Variants in ARL5B observed in about 807,000 individuals in gnomAD.
ARL5B encodes the protein ADP-ribosylation factor-like protein 5B.
A neutral mutation model predicts 26.9 loss-of-function variants in ARL5B; 10 were observed. That is an observed-to-expected ratio of 0.37 (90% CI 0.23 to 0.63). The LOEUF (loss-of-function observed/expected upper bound fraction) is 0.63. ARL5B is among the 30% of genes least tolerant of loss of function. The pLI is 0.62. For synonymous variants in ARL5B, 87 were observed against 70.4 expected (o/e 1.24, Z -1.18); for missense variants, 167 against 213.9 (o/e 0.78, Z 1.37).
intron 3 of ARL5B, among the ~76,000 whole-genome samples, chr10:18,671,218 G>A (rs899873715): frequency 1.3e-5 from 2 of 151,906 alleles, no homozygotes; most frequent in African/African-American, 4.8e-5. Flanking sequence ...TTGAGATGGA[G>A]TCTCAGTCTG....
chr10:18,666,816 C>A (rs2059863374), intron 2 of ARL5B, among the ~76,000 whole-genome samples, 181 bp downstream of exon 2: 1 of 151,982 alleles, frequency 6.6e-6, no homozygotes, highest in South Asian at 2.1e-4. Flanking sequence ...ATTTGCTAAA[C>A]CCTTCACAAA....
chr10:18,668,052 T>A (rs2059869424), intron 2 of ARL5B, among the ~76,000 whole-genome samples: 1 of 152,184 alleles, frequency 6.6e-6, no homozygotes, highest in African/African-American at 2.4e-5. Flanking sequence ...CATGGTCATC[T>A]TTTTAGGACT....
In ARL5B at chr10:18,681,346, GA is replaced by G. The variant is rs1449831227; in HGVS notation, c.*6131del. 6.6e-6 allele frequency: 1 copy of G among 152,128 alleles called. No individual in the cohort carries two copies. The highest frequency in any genetic ancestry group is 1.5e-5 in the Non-Finnish European group (1 of 68,018). 9.4% of individuals were successfully genotyped at this position (152,128 alleles called of 1,614,324 possible). ...TCAAAGCATGTTTTCCTGATGGTGG[GA>G]TTGTTTAAATGACATGTTTTAAAGT... On this transcript the variant is annotated 3_prime_UTR_variant, in exon 6 of 6. Transcript: ENST00000377275.
Position 18,675,270 on chromosome 10 carries a change from C to T in ARL5B, c.*54C>T, listed in dbSNP as rs750332339. On this transcript the variant is annotated 3_prime_UTR_variant, in exon 6 of 6. Transcript: ENST00000377275. ...TTATTCTGTGACATGAACATTTTTTCCTAGTACCTTTGGCTGCTAAGGCAG... is the reference window on the plus strand; with the variant it reads ...TTATTCTGTGACATGAACATTTTTTTCTAGTACCTTTGGCTGCTAAGGCAG... The T allele has an allele frequency of 1.2e-5, 18 of 1,553,898 alleles. No individual in the cohort carries two copies. Among genetic ancestry groups the T allele is most frequent in the Non-Finnish European group, 1.5e-5 (17 of 1,126,054 alleles).
At chr10:18,667,670 C>T (rs1185209073) in intron 2 of ARL5B, among the ~76,000 whole-genome samples, 2 of 151,632 alleles carry the variant, frequency 1.3e-5, no homozygotes, top group South Asian at 2.1e-4. Context: ...TATGATAATA[C>T]GAGGGGTATG....
Position 18,672,612 on chromosome 10 carries a change from T to A in ARL5B, c.256-10T>A, listed in dbSNP as rs369433772. On this transcript the variant is annotated splice_polypyrimidine_tract_variant and intron_variant, in intron 3 of 5. Coordinates refer to ENST00000377275, the MANE Select transcript of ARL5B (RefSeq NM_178815.5). The stretch of plus-strand genomic sequence containing the variant: ...TCAATTTTCTGTCTTTCCTTTTAAT[T>A]TTCTTCTAGTTCATCATTCTTGTTG... 40 of 1,597,888 alleles carry A rather than the reference T, an allele frequency of 2.5e-5. No individual in the cohort carries two copies. Among genetic ancestry groups the A allele is most frequent in the Non-Finnish European group, 3.3e-5 (39 of 1,172,090 alleles).
At chr10:18,666,162 C>G (rs979224958) in intron 1 of ARL5B, among the ~76,000 whole-genome samples, 1 of 152,138 alleles carries the variant, frequency 6.6e-6, no homozygotes, top group Non-Finnish European at 1.5e-5. Context: ...GGGAAACTTA[C>G]AGATATGAAA....
intron 2 of ARL5B, 96 bp downstream of exon 2, chr10:18,666,731 TTAAA>T: frequency 4.7e-6 from 5 of 1,064,702 alleles, no homozygotes; most frequent in Non-Finnish European, 6.6e-6. Flanking sequence ...ACGGAAAAAC[TTAAA>T]TATATGTTTT....
chr10:18,679,580 AAAAT>A lies in ARL5B; in HGVS notation c.*4370_*4373del, dbSNP rs1456432845. 20 of 151,964 alleles carry A rather than the reference AAAAT, an allele frequency of 1.3e-4. No individual in the cohort carries two copies. Among genetic ancestry groups the A allele is most frequent in the Non-Finnish European group, 2.4e-4 (16 of 67,870 alleles). 9.4% of individuals were successfully genotyped at this position (151,964 alleles called of 1,614,324 possible). A position where few individuals can be genotyped will look rare whatever the true frequency, so the allele number is the denominator to read the frequency against. On this transcript the variant is annotated 3_prime_UTR_variant, in exon 6 of 6. Transcript: ENST00000377275. ...TATTTTTAAAAAATTTTAGGGGACC[AAAAT>A]AAATAGAGGAAGACCAATATAAAAA...
At chr10:18,671,842 G>C (rs192965368) in intron 3 of ARL5B, among the ~76,000 whole-genome samples, 2 of 152,212 alleles carry the variant, frequency 1.3e-5, no homozygotes, top group Admixed American at 6.5e-5. Context: ...TAGAGAGACA[G>C]GTTCTCACTA....
intron 1 of ARL5B, among the ~76,000 whole-genome samples, chr10:18,664,346 CAA>C (rs2131638986): frequency 6.6e-6 from 1 of 151,364 alleles, no homozygotes; most frequent in East Asian, 2.0e-4. Flanking sequence ...CTTGGCCTCC[CAA>C]AGTGTTGGAA....
intron 3 of ARL5B, among the ~76,000 whole-genome samples, chr10:18,672,142 T>C (rs1484600120): frequency 6.6e-6 from 1 of 152,208 alleles, no homozygotes; most frequent in Non-Finnish European, 1.5e-5. Flanking sequence ...ATTGTCTTAT[T>C]TTTAAAATGC....
chr10:18,679,914 A>G lies in ARL5B; in HGVS notation c.*4698A>G, dbSNP rs1316371171. The stretch of plus-strand genomic sequence containing the variant: ...AATACTGTCTTTTTACCATACAGCT[A>G]GATGGCCTGTATTATTCTTAATGTG... On this transcript the variant is annotated 3_prime_UTR_variant, in exon 6 of 6. Transcript: ENST00000377275. 3 of 151,958 alleles carry G rather than the reference A, an allele frequency of 2.0e-5. No homozygotes were observed. The highest frequency in any genetic ancestry group is 6.6e-5 in the Admixed American group (1 of 15,252). 9.4% of individuals were successfully genotyped at this position (151,958 alleles called of 1,614,324 possible). A position where few individuals can be genotyped will look rare whatever the true frequency, so the allele number is the denominator to read the frequency against.
rs1197103266 is a variant in ARL5B at position 18,680,549 on chromosome 10, G to A, written c.*5333G>A. 6.6e-6 allele frequency: 1 copy of A among 152,006 alleles called. No homozygotes were observed. Among genetic ancestry groups the A allele is most frequent in the East Asian group, 1.9e-4 (1 of 5,182 alleles). The allele number at this position is 152,006 out of a possible 1,614,324, so 9.4% of individuals were successfully genotyped here. A position where few individuals can be genotyped will look rare whatever the true frequency, so the allele number is the denominator to read the frequency against. On this transcript the variant is annotated 3_prime_UTR_variant, in exon 6 of 6. Coordinates refer to ENST00000377275, the MANE Select transcript of ARL5B (RefSeq NM_178815.5). The stretch of plus-strand genomic sequence containing the variant: ...TTGCATATTTAAGCCCTATTCACAA[G>A]AGACCATAATCATTTTAATCTTATA...
Position 18,680,826 on chromosome 10 carries a change from G to A in ARL5B, c.*5610G>A, listed in dbSNP as rs148685029. 1.2e-4 allele frequency: 19 copies of A among 152,096 alleles called. No individual in the cohort carries two copies. In the East Asian group the frequency reaches 3.3e-3, roughly 26 times the overall value. 9.4% of individuals were successfully genotyped at this position (152,096 alleles called of 1,614,324 possible). A position where few individuals can be genotyped will look rare whatever the true frequency, so the allele number is the denominator to read the frequency against. On this transcript the variant is annotated 3_prime_UTR_variant, in exon 6 of 6. Coordinates refer to ENST00000377275, the MANE Select transcript of ARL5B (RefSeq NM_178815.5). ...AAACCTAACAGCAATTACAACCTTG[G>A]TGTTGCGTTTATTCTAATCAGAGTG...
chr10:18,659,683 G>A lies in ARL5B; in HGVS notation c.46G>A (p.Glu16Lys). The change falls in exon 1 of 6, where the codon GAA (glutamate) becomes AAA (lysine). Residue 16 changes from glutamate (E) to lysine (K), a missense_variant and splice_region_variant. By Grantham distance (56) the Glu-to-Lys change is moderately conservative. Transcript: ENST00000377275. ...AKLWSLFCNQ[E>K]HKVIIVGLDN... is the part of the protein sequence containing the mutation. Reference sequence around the variant, plus strand: ...ACTGTGGAGCCTCTTCTGTAACCAAGGTGAGAAGAATGGAGCTGCGCGGCG... The same window carrying A: ...ACTGTGGAGCCTCTTCTGTAACCAAAGTGAGAAGAATGGAGCTGCGCGGCG... The A allele has an allele frequency of 6.2e-7, 1 of 1,612,892 alleles. No homozygotes were observed. Among genetic ancestry groups the A allele is most frequent in the Non-Finnish European group, 8.5e-7 (1 of 1,179,554 alleles).
rs534834483 is a variant in ARL5B at position 18,677,957 on chromosome 10, A to G, written c.*2741A>G. 3.3e-5 allele frequency: 5 copies of G among 151,926 alleles called. No homozygotes were observed. The South Asian group carries it at 1.0e-3, about 32-fold the overall frequency. The allele number at this position is 151,926 out of a possible 1,614,324, so 9.4% of individuals were successfully genotyped here. A position where few individuals can be genotyped will look rare whatever the true frequency, so the allele number is the denominator to read the frequency against. ...AAATTTTAACAGAAATCTTTTAAGT[A>G]TGTTATAACCAAAGTGTTCAATTAT... On this transcript the variant is annotated 3_prime_UTR_variant, in exon 6 of 6. Transcript: ENST00000377275.
In ARL5B at chr10:18,659,434, G is replaced by T. The variant is rs1304553315; in HGVS notation, c.-204G>T. Reference sequence around the variant, plus strand: ...ACTACGGGTCGGCGTTGGGCTCAGTGGGCTCGAAACAAAGGGCTGTCCGGT... The same window carrying T: ...ACTACGGGTCGGCGTTGGGCTCAGTTGGCTCGAAACAAAGGGCTGTCCGGT... On this transcript the variant is annotated 5_prime_UTR_variant, in exon 1 of 6. Coordinates refer to ENST00000377275, the MANE Select transcript of ARL5B (RefSeq NM_178815.5). 4.8e-6 allele frequency: 3 copies of T among 624,396 alleles called. No individual in the cohort carries two copies. Among genetic ancestry groups the T allele is most frequent in the Non-Finnish European group, 7.8e-6 (3 of 383,808 alleles). The allele number at this position is 624,396 out of a possible 1,614,324, so 38.7% of individuals were successfully genotyped here.
At chr10:18,669,637 A>G (rs1299789708) in intron 3 of ARL5B, among the ~76,000 whole-genome samples, 2 of 151,838 alleles carry the variant, frequency 1.3e-5, no homozygotes, top group African/African-American at 4.8e-5. Context: ...GCATCCATTT[A>G]ATTGTTCTTT....
Sources: gnomAD v4.1 joint callset for allele counts (sites outside exome capture counted in the v4.1 genomes callset) on GRCh38, gnomAD v4.1.1 for gene constraint, MANE v1.5 for transcripts, NCBI Gene and HGNC (gene_info 2026-07-23, HGNC 2026-07-21) for gene names.